MTCL3: variants seen among roughly 807,000 people sequenced by gnomAD.
The protein encoded by MTCL3 is MTCL family member 3.
the MTCL3 span, among the ~76,000 whole-genome samples, chr6:127,494,024 T>C: frequency 4.8e-3 from 730 of 152,298 alleles, 4 homozygotes; most frequent in African/African-American, 0.016. Flanking sequence ...TTTAAGTCTT[T>C]TTTGGTGTGG....
chr6:127,505,050 T>G, the MTCL3 span, among the ~76,000 whole-genome samples: 1 of 152,220 alleles, frequency 6.6e-6, no homozygotes, highest in South Asian at 2.1e-4. Flanking sequence ...TGATGAATTC[T>G]TTTGTTATCA....
chr6:127,517,774 A>G, the MTCL3 span: 5 of 152,190 alleles, frequency 3.3e-5, no homozygotes, highest in African/African-American at 1.2e-4. Context: ...AATCTGAAAA[A>G]TAGCAAGTTA....
chr6:127,492,277 A>G, the MTCL3 span, among the ~76,000 whole-genome samples: 4 of 151,768 alleles, frequency 2.6e-5, no homozygotes, highest in African/African-American at 7.3e-5. Flanking sequence ...TTTGCTACAC[A>G]GCAAAAATCC....
At chr6:127,490,371 T>C in the MTCL3 span, among the ~76,000 whole-genome samples, 1 of 152,140 alleles carries the variant, frequency 6.6e-6, no homozygotes, top group African/African-American at 2.4e-5. Context: ...CTGCAGCCCA[T>C]AGATCATGGA....
At chr6:127,476,577 T>A in the MTCL3 span, 1 of 859,072 alleles carries the variant, frequency 1.2e-6, no homozygotes, top group Non-Finnish European at 1.8e-6. This position sits in a 1 kb window ranked among gnomAD's most constrained non-coding sequence, Gnocchi z 4.4. Flanking sequence ...AATCCAGATT[T>A]AATGACAGAG....
chr6:127,474,600 G>T, the MTCL3 span, among the ~76,000 whole-genome samples: 1 of 151,644 alleles, frequency 6.6e-6, no homozygotes, highest in Non-Finnish European at 1.5e-5. Flanking sequence ...TTTTTTTTGA[G>T]ACAGGGTTTC....
At chr6:127,489,021 T>C in the MTCL3 span, among the ~76,000 whole-genome samples, 1 of 152,246 alleles carries the variant, frequency 6.6e-6, no homozygotes, top group Non-Finnish European at 1.5e-5. Context: ...TTTTTACAAA[T>C]TTAAGATTTG....
the MTCL3 span, among the ~76,000 whole-genome samples, chr6:127,486,582 A>G: frequency 1.3e-5 from 2 of 152,180 alleles, no homozygotes; most frequent in Non-Finnish European, 2.9e-5. Context: ...TCAGATTTTC[A>G]TATTTGCTGG....
At chr6:127,473,744 C>T in the MTCL3 span, among the ~76,000 whole-genome samples, 71 of 152,330 alleles carry the variant, frequency 4.7e-4, no homozygotes, top group African/African-American at 1.7e-3. Flanking sequence ...TGCTTCTGTA[C>T]GTAAACTGGC....
At chr6:127,491,771 T>A in the MTCL3 span, among the ~76,000 whole-genome samples, 1 of 150,160 alleles carries the variant, frequency 6.7e-6, no homozygotes, top group Non-Finnish European at 1.5e-5. Context: ...CTTAGGAAGC[T>A]GAGCCAGGAG....
chr6:127,494,986 A>G, the MTCL3 span, among the ~76,000 whole-genome samples: 1 of 152,102 alleles, frequency 6.6e-6, no homozygotes, highest in African/African-American at 2.4e-5. Context: ...CCACGAGGTC[A>G]GGAGATCAAG....
the MTCL3 span, among the ~76,000 whole-genome samples, chr6:127,483,819 A>G: frequency 1.3e-5 from 2 of 152,212 alleles, no homozygotes; most frequent in African/African-American, 4.8e-5. Flanking sequence ...ATCCGTATGT[A>G]TGACTGTCTA....
chr6:127,475,688 C>A, the MTCL3 span: 1 of 1,583,338 alleles, frequency 6.3e-7, no homozygotes, highest in Non-Finnish European at 8.6e-7. The surrounding 1 kb of genome is among the most constrained non-coding windows in gnomAD (Gnocchi z 7.3). Context: ...GAGTCGCTCT[C>A]GCCGCCGATG....
At chr6:127,487,104 T>G in the MTCL3 span, among the ~76,000 whole-genome samples, 1 of 152,220 alleles carries the variant, frequency 6.6e-6, no homozygotes, top group African/African-American at 2.4e-5. Context: ...GACAACAGAC[T>G]TATTGACACC....
At chr6:127,490,444 G>A in the MTCL3 span, among the ~76,000 whole-genome samples, 1 of 151,958 alleles carries the variant, frequency 6.6e-6, no homozygotes, top group Non-Finnish European at 1.5e-5. Flanking sequence ...TAGCTGCCAG[G>A]TAGTGATTCT....
the MTCL3 span, among the ~76,000 whole-genome samples, chr6:127,483,557 A>G: frequency 1.3e-5 from 2 of 152,230 alleles, no homozygotes; most frequent in Non-Finnish European, 2.9e-5. Context: ...TGGACCAGCC[A>G]CAGCTTCAGC....
chr6:127,492,412 T>C, the MTCL3 span, among the ~76,000 whole-genome samples: 2 of 152,158 alleles, frequency 1.3e-5, no homozygotes, highest in Non-Finnish European at 2.9e-5. Flanking sequence ...AAAAAGAATG[T>C]AAAAGGCTAA....
the MTCL3 span, chr6:127,475,595 C>G: frequency 6.2e-7 from 1 of 1,604,026 alleles, no homozygotes; most frequent in Non-Finnish European, 8.5e-7. The surrounding 1 kb of genome is among the most constrained non-coding windows in gnomAD (Gnocchi z 7.3). Context: ...TGCTGCCGAT[C>G]GGAGAAGCTC....
At chr6:127,477,485 G>C in the MTCL3 span, among the ~76,000 whole-genome samples, 1 of 152,018 alleles carries the variant, frequency 6.6e-6, no homozygotes, top group Non-Finnish European at 1.5e-5. Flanking sequence ...GTGAACTTTG[G>C]TTTCTTCATT....
Sources: allele counts gnomAD v4.1 joint callset (sites outside exome capture counted in the v4.1 genomes callset), GRCh38; gene constraint gnomAD v4.1.1; non-coding constraint Gnocchi (gnomAD v3.1); transcripts MANE v1.5; gene names NCBI Gene and HGNC (gene_info 2026-07-23, HGNC 2026-07-21).